Variants in VAV2 observed in about 807,000 individuals in gnomAD.
The protein encoded by VAV2 is guanine nucleotide exchange factor VAV2.
In VAV2, 67 loss-of-function variants were observed where a neutral mutation model predicts 132.5. That is an observed-to-expected ratio of 0.51 (90% confidence interval 0.42 to 0.62). VAV2 has a LOEUF of 0.62. VAV2 is among the 20% of genes least tolerant of loss of function. VAV2 has a pLI of 0.00. For missense variants in VAV2, 938 were observed against 1,153.6 expected (o/e 0.81, Z 2.71); for synonymous variants, 492 against 443.5 (o/e 1.11, Z -1.37).
rs116758208 is a variant in VAV2, at chr9:133,938,762, G to A, written c.321+341C>T. Among the ~76,000 whole-genome samples the A allele has an allele frequency of 4.0e-3, 614 of 152,254 alleles. 4 individuals are homozygous for A. The highest frequency in any genetic ancestry group is 0.014 in the African/African-American group (564 of 41,542). ...AGAGGAAGAATCAAGATTCAGGGCAGGAGGTAAATGCTCAGCATCCCCTGG... is the reference window on the plus strand; with the variant it reads ...AGAGGAAGAATCAAGATTCAGGGCAAGAGGTAAATGCTCAGCATCCCCTGG... On this transcript the variant is annotated intron_variant, in intron 2 of 29. Transcript: ENST00000371850.
intron 8 of VAV2, among the ~76,000 whole-genome samples, chr9:133,806,769 G>T (rs1564365850): frequency 6.6e-6 from 1 of 152,366 alleles, no homozygotes; most frequent in East Asian, 1.9e-4. Flanking sequence ...CAGGCCAGGA[G>T]GAAGGGCCAG....
intron 1 of VAV2, among the ~76,000 whole-genome samples, chr9:133,951,873 A>G (rs1186247699): frequency 1.3e-5 from 2 of 152,184 alleles, no homozygotes; most frequent in East Asian, 3.9e-4. Flanking sequence ...GCAAAATCCC[A>G]CAGCCCGGGA....
intron 2 of VAV2, among the ~76,000 whole-genome samples, chr9:133,899,529 C>A (rs556941148): frequency 6.6e-6 from 1 of 151,948 alleles, no homozygotes; most frequent in South Asian, 2.1e-4. Context: ...ATGCCTTAGC[C>A]TCCCAAGTAG....
At position 133,783,535 on chromosome 9, in the gene VAV2, T is replaced by C. The variant is rs1251236031; in HGVS notation, c.1691A>G (p.Glu564Gly). The C allele has an allele frequency of 6.2e-7, 1 of 1,613,870 alleles. No homozygotes were observed. Among genetic ancestry groups the C allele is most frequent in the South Asian group, 1.1e-5 (1 of 91,082 alleles). The change falls in exon 19 of 30, where the codon GAG (glutamate) becomes GGG (glycine). Residue 564 changes from glutamate to glycine, a missense_variant. Glu to Gly is a moderately conservative substitution (Grantham distance 98). Transcript: ENST00000371850. Reference protein sequence around the residue: ...CTKCGVGAHKECLEVIPPCKF... With the variant: ...CTKCGVGAHKGCLEVIPPCKF... ...GCAGGGAGGTATCACTTCCAGGCACTCCTTGTGTGCCCCGACGCCACACTT... is the reference window on the plus strand; with the variant it reads ...GCAGGGAGGTATCACTTCCAGGCACCCCTTGTGTGCCCCGACGCCACACTT...
At chr9:133,873,181 C>CCTGCT (rs1838131130) in intron 2 of VAV2, among the ~76,000 whole-genome samples, 2 of 152,112 alleles carry the variant, frequency 1.3e-5, no homozygotes, top group Non-Finnish European at 2.9e-5. Flanking sequence ...TAGCTGAGTG[C>CCTGCT]CTGCTCTGTG....
intron 25 of VAV2, 135 bp from the exon 26 acceptor site, chr9:133,772,181 C>G (rs1335185526): frequency 1.6e-6 from 1 of 633,962 alleles, no homozygotes; most frequent in Non-Finnish European, 2.7e-6. Context: ...CCCTGTCAGC[C>G]CTGTCCTACC....
intron 1 of VAV2, among the ~76,000 whole-genome samples, chr9:133,988,318 C>A (rs963522167): frequency 1.3e-5 from 2 of 152,120 alleles, no homozygotes; most frequent in African/African-American, 4.8e-5. Flanking sequence ...CTCAGAAAGT[C>A]CACAAGAGAG....
intron 23 of VAV2, among the ~76,000 whole-genome samples, chr9:133,777,061 C>G (rs1436039198): frequency 1.3e-5 from 2 of 152,150 alleles, no homozygotes; most frequent in Non-Finnish European, 2.9e-5. Flanking sequence ...TCCAAGAGAT[C>G]TTATAGAGTC....
At chr9:133,973,206 AC>A (rs1313653408) in intron 1 of VAV2, among the ~76,000 whole-genome samples, 2 of 152,114 alleles carry the variant, frequency 1.3e-5, no homozygotes, top group African/African-American at 4.8e-5. Flanking sequence ...CCTCAATGCC[AC>A]CATCTGTCTG....
chr9:133,924,960 G>A (rs950665018), intron 2 of VAV2, among the ~76,000 whole-genome samples: 4 of 152,242 alleles, frequency 2.6e-5, no homozygotes, highest in African/African-American at 9.6e-5. Context: ...GCAAGAAGCC[G>A]ACGCTAAAGG....
Position 133,812,224 on chromosome 9 carries a change from G to A in VAV2, c.450-8C>T. 6.2e-7 allele frequency: 1 copy of A among 1,613,320 alleles called. No homozygotes were observed. Among genetic ancestry groups the A allele is most frequent in the Non-Finnish European group, 8.5e-7 (1 of 1,179,778 alleles). ...TCCCCCAGGTCATGCTCGCTGCACA[G>A]GAGGAGGCGGGTTAGAGGGGAGGGG... On this transcript the variant is annotated splice_region_variant and splice_polypyrimidine_tract_variant and intron_variant, in intron 4 of 29. Coordinates refer to ENST00000371850, the MANE Select transcript of VAV2 (RefSeq NM_001134398.2).
At position 133,810,249 on chromosome 9, in the gene VAV2, G is replaced by A; in HGVS notation, c.553-44C>T. 5 of 1,612,166 alleles carry A rather than the reference G, an allele frequency of 3.1e-6. No homozygotes were observed. The South Asian group carries it at 4.4e-5, about 14-fold the overall frequency. On this transcript the variant is annotated intron_variant, in intron 5 of 29. Transcript: ENST00000371850. ...AACCAGAAACAGCGCCGGTTAGCAGGGCCCACACTGTCCTGGCAAGCTGGG... is the reference window on the plus strand; with the variant it reads ...AACCAGAAACAGCGCCGGTTAGCAGAGCCCACACTGTCCTGGCAAGCTGGG...
chr9:133,876,821 G>C (rs1407639341), intron 2 of VAV2, among the ~76,000 whole-genome samples: 1 of 152,220 alleles, frequency 6.6e-6, no homozygotes, highest in Non-Finnish European at 1.5e-5. Flanking sequence ...CTGGGTGCAG[G>C]GGTGAGGCAG....
At chr9:133,940,436 C>A (rs2810532) in intron 1 of VAV2, among the ~76,000 whole-genome samples, 4 of 151,978 alleles carry the variant, frequency 2.6e-5, no homozygotes, top group African/African-American at 4.8e-5. Flanking sequence ...ACATAGTGCA[C>A]GTCAGAATCA....
At chr9:133,914,997 G>A (rs893812493) in intron 2 of VAV2, among the ~76,000 whole-genome samples, 8 of 152,152 alleles carry the variant, frequency 5.3e-5, no homozygotes, top group African/African-American at 1.9e-4. Context: ...CGCACGGGGG[G>A]AAGGACCTGG....
intron 4 of VAV2, among the ~76,000 whole-genome samples, chr9:133,825,576 G>A (rs183393872): frequency 3.2e-4 from 49 of 152,272 alleles, no homozygotes; most frequent in African/African-American, 8.4e-4. Flanking sequence ...ACACTCAGGC[G>A]TCCTCCACAA....
chr9:133,873,349 G>T (rs923376854), intron 2 of VAV2, among the ~76,000 whole-genome samples: 1 of 152,050 alleles, frequency 6.6e-6, no homozygotes, highest in African/African-American at 2.4e-5. Flanking sequence ...CCTGTGTGTG[G>T]AATAAGGAAA....
At chr9:133,903,325 G>C (rs991703185) in intron 2 of VAV2, among the ~76,000 whole-genome samples, 1 of 152,062 alleles carries the variant, frequency 6.6e-6, no homozygotes, top group South Asian at 2.1e-4. Context: ...TGTCCCTCGG[G>C]CCCCTTCCTC....
rs1479219628 is a variant in VAV2, at chr9:133,763,094, C to T, written c.*968G>A. 6.6e-6 allele frequency: 1 copy of T among 152,604 alleles called. No homozygotes were observed. Among genetic ancestry groups the T allele is most frequent in the Non-Finnish European group, 1.5e-5 (1 of 68,094 alleles). The allele number at this position is 152,604 out of a possible 1,614,324, so 9.5% of individuals were successfully genotyped here. The stretch of plus-strand genomic sequence containing the variant: ...AGGGGCCCTTGGAAGGAAGCCCTGC[C>T]AGGGGCTGGAACCAACCTCTCGTGC... On this transcript the variant is annotated 3_prime_UTR_variant, in exon 30 of 30. Transcript: ENST00000371850. The surrounding 1 kb of genome is among the most constrained non-coding windows in gnomAD (Gnocchi z 6.8).
Sources: allele counts gnomAD v4.1 joint callset (sites outside exome capture counted in the v4.1 genomes callset), GRCh38; gene constraint gnomAD v4.1.1; non-coding constraint Gnocchi (gnomAD v3.1); transcripts MANE v1.5; gene names NCBI Gene and HGNC (gene_info 2026-07-23, HGNC 2026-07-21).